The following ANK2 variants were observed in gnomAD, a reference collection of about 807,000 sequenced individuals.
ANK2 encodes the protein ankyrin-2.
In ANK2, 83 loss-of-function variants were observed where a neutral mutation model predicts 360.5. That is an observed-to-expected ratio of 0.23 (90% CI 0.19 to 0.28). The LOEUF (loss-of-function observed/expected upper bound fraction) is 0.28. Ranked by LOEUF, ANK2 falls within the 10% of genes least tolerant of loss-of-function variation. The pLI is 1.00. For synonymous variants in ANK2, 1,740 were observed against 1,759.5 expected, an observed-to-expected ratio of 0.99 and a Z score of 0.28; for missense variants, 4,201 against 4,795.7, an observed-to-expected ratio of 0.88 and a Z score of 3.66.
At chr4:112,963,584 A>AT (rs1171997524) in intron 2 of ANK2, among the ~76,000 whole-genome samples, 2 of 151,934 alleles carry the variant, frequency 1.3e-5, no homozygotes, top group Admixed American at 6.6e-5. Context: ...GGCAGACTGA[A>AT]TTTTTTTTCC....
chr4:113,129,054 A>G (rs1355273493), intron 1 of ANK2, among the ~76,000 whole-genome samples: 1 of 152,216 alleles, frequency 6.6e-6, no homozygotes, highest in Non-Finnish European at 1.5e-5. Flanking sequence ...GCAGCTCCCA[A>G]TGACTGAATA....
At chr4:112,996,754 C>T (rs1298451428) in intron 2 of ANK2, among the ~76,000 whole-genome samples, 8 of 152,152 alleles carry the variant, frequency 5.3e-5, no homozygotes, top group Non-Finnish European at 4.4e-5. Flanking sequence ...CAATTACACT[C>T]TTTATTTTAA....
At chr4:113,106,058 A>C (rs1197715636) in intron 1 of ANK2, among the ~76,000 whole-genome samples, 1 of 152,162 alleles carries the variant, frequency 6.6e-6, no homozygotes, top group Admixed American at 6.6e-5. Flanking sequence ...TTAAATTTAT[A>C]ATTTGTATTC....
In ANK2 at chr4:113,373,348, G is replaced by A. The variant is rs2154074725; in HGVS notation, c.11758G>A (p.Val3920Met). ...SEGTEKEEIM[V>M]QGMPQEPVNI... ...AGGCACAGAGAAAGAAGAGATTATG[G>A]TGCAGGGAATGCCACAGGAACCTGT... Residue 3920 changes from valine to methionine, a missense_variant, in exon 45 of 46, where the codon GTG becomes ATG. Transcript: ENST00000357077. 6.2e-7 allele frequency: 1 copy of A among 1,614,168 alleles called. No individual in the cohort carries two copies. The highest frequency in any genetic ancestry group is 8.5e-7 in the Non-Finnish European group (1 of 1,180,006).
At chr4:113,228,385 G>T (rs1255308969) in intron 4 of ANK2, among the ~76,000 whole-genome samples, 1 of 151,980 alleles carries the variant, frequency 6.6e-6, no homozygotes, top group Non-Finnish European at 1.5e-5. Context: ...TCATTCTTAT[G>T]GCTTTGTATC....
chr4:112,899,128 A>G (rs1343382297), intron 1 of ANK2, among the ~76,000 whole-genome samples: 1 of 152,134 alleles, frequency 6.6e-6, no homozygotes, highest in Non-Finnish European at 1.5e-5. Context: ...CATTGTTTTT[A>G]TTTAACAATG....
At chr4:113,252,083 C>G (rs147309884) in intron 10 of ANK2, among the ~76,000 whole-genome samples, 32 of 152,238 alleles carry the variant, frequency 2.1e-4, no homozygotes, top group Non-Finnish European at 4.6e-4. Flanking sequence ...GAGGAACTCA[C>G]AGTCACGAGG....
intron 24 of ANK2, among the ~76,000 whole-genome samples, chr4:113,314,962 C>T (rs1338018803): frequency 1.3e-5 from 2 of 152,018 alleles, no homozygotes; most frequent in Non-Finnish European, 2.9e-5. Context: ...ATTGTTGCTC[C>T]CTCTCTCTGT....
At chr4:113,248,078 T>C (rs1367126484) in intron 9 of ANK2, among the ~76,000 whole-genome samples, 16 of 152,216 alleles carry the variant, frequency 1.1e-4, no homozygotes, top group Admixed American at 1.0e-3. Context: ...CTTTTCATGC[T>C]AATTCTTAGG....
At chr4:112,942,367 G>A (rs1203025943) in intron 2 of ANK2, among the ~76,000 whole-genome samples, 1 of 152,066 alleles carries the variant, frequency 6.6e-6, no homozygotes, top group Non-Finnish European at 1.5e-5. Context: ...TTTGTCGAGA[G>A]AATGAAAGTT....
In ANK2 at chr4:112,891,436, T is replaced by C. The variant is rs576939126; in HGVS notation, c.-39-13019T>C. ...TTTCAAAACAGGATACTTTTGAGAG[T>C]TAAAAGGAGTGCTATTAATTATGCA... On this transcript the variant is annotated intron_variant, in intron 1 of 30. Transcript: ENST00000503271. Among the ~76,000 whole-genome samples, 8 of 152,152 alleles carry C rather than the reference T, an allele frequency of 5.3e-5. No individual in the cohort carries two copies. In the East Asian group the frequency reaches 1.5e-3, roughly 29 times the overall value.
intron 1 of ANK2, among the ~76,000 whole-genome samples, chr4:113,170,285 A>G (rs897422154): frequency 3.7e-4 from 56 of 152,320 alleles, no homozygotes; most frequent in African/African-American, 1.3e-3. Flanking sequence ...CTATATGAAG[A>G]TAGCATCTGA....
upstream of ANK2, among the ~76,000 whole-genome samples, chr4:112,813,736 A>G (rs962346496): frequency 6.6e-6 from 1 of 152,120 alleles, no homozygotes; most frequent in Non-Finnish European, 1.5e-5. Flanking sequence ...GGGTCTTGCC[A>G]TGTTGCCTAG....
chr4:113,090,927 G>A (rs931041698), intron 1 of ANK2, among the ~76,000 whole-genome samples: 5 of 152,170 alleles, frequency 3.3e-5, no homozygotes, highest in African/African-American at 1.2e-4. Flanking sequence ...AGTTGTGGCT[G>A]AAGGATTCAA....
intron 2 of ANK2, among the ~76,000 whole-genome samples, chr4:113,002,297 G>T (rs2051037637): frequency 6.6e-6 from 1 of 152,120 alleles, no homozygotes; most frequent in African/African-American, 2.4e-5. Flanking sequence ...CAATAGCAAA[G>T]ACTTGGAACC....
chr4:113,031,416 A>G (rs2060372110), intron 2 of ANK2: 1 of 152,050 alleles, frequency 6.6e-6, no homozygotes, highest in South Asian at 2.1e-4. Flanking sequence ...TTGCAGGGTA[A>G]TGGGCAGATG....
chr4:113,275,110 C>A (rs1025695780), intron 15 of ANK2, among the ~76,000 whole-genome samples: 1 of 152,220 alleles, frequency 6.6e-6, no homozygotes, highest in South Asian at 2.1e-4. Context: ...TATTAGCCAC[C>A]ACTTATTTGA....
the ANK2 span, among the ~76,000 whole-genome samples, chr4:112,811,322 A>G: frequency 6.6e-6 from 1 of 151,976 alleles, no homozygotes; most frequent in Non-Finnish European, 1.5e-5. Flanking sequence ...ATTTTAGGTA[A>G]CTCTCTGCTG....
intron 14 of ANK2, among the ~76,000 whole-genome samples, chr4:113,266,145 C>A (rs2055897762): frequency 6.6e-6 from 1 of 152,080 alleles, no homozygotes; most frequent in Non-Finnish European, 1.5e-5. Context: ...TGTGATGTTC[C>A]CCTCCCTGTG....
Sources: allele counts gnomAD v4.1 joint callset (sites outside exome capture counted in the v4.1 genomes callset), GRCh38; gene constraint gnomAD v4.1.1; transcripts MANE v1.5; gene names NCBI Gene and HGNC (gene_info 2026-07-23, HGNC 2026-07-21).